CLSTN2: variants seen among roughly 807,000 people sequenced by gnomAD.
CLSTN2 encodes the protein calsyntenin-2.
In CLSTN2, 48 loss-of-function variants were observed where a neutral mutation model predicts 101.2. That is an observed-to-expected ratio of 0.47 (90% CI 0.38 to 0.60). The LOEUF (loss-of-function observed/expected upper bound fraction) is 0.60. Ranked by LOEUF, CLSTN2 falls within the 20% of genes least tolerant of loss-of-function variation. The pLI is 0.00. For synonymous variants in CLSTN2, 481 were observed against 463.6 expected (o/e 1.04, Z -0.48); for missense variants, 1,160 against 1,238.2 (o/e 0.94, Z 0.95).
intron 1 of CLSTN2, among the ~76,000 whole-genome samples, chr3:140,048,313 T>C (rs988782240): frequency 1.3e-5 from 2 of 152,240 alleles, no homozygotes; most frequent in Non-Finnish European, 2.9e-5. Context: ...GCCTAGGTCA[T>C]AGTTGAATGA....
chr3:140,494,546 C>T (rs1934422913), intron 8 of CLSTN2, among the ~76,000 whole-genome samples: 1 of 152,172 alleles, frequency 6.6e-6, no homozygotes, highest in South Asian at 2.1e-4. Context: ...CTTTGCTGCA[C>T]AGATCATCCC....
At chr3:140,414,745 A>G (rs2088408551) in intron 4 of CLSTN2, among the ~76,000 whole-genome samples, 1 of 152,214 alleles carries the variant, frequency 6.6e-6, no homozygotes, top group East Asian at 1.9e-4. Flanking sequence ...TAAAATGTCT[A>G]TACTACCCAA....
chr3:140,149,848 G>C (rs956344685), intron 1 of CLSTN2, among the ~76,000 whole-genome samples: 1 of 152,094 alleles, frequency 6.6e-6, no homozygotes, highest in Admixed American at 6.5e-5. Context: ...AAATTTAACC[G>C]GGTGTCCTGT....
At chr3:140,540,084 T>C (rs1426927792) in intron 9 of CLSTN2, among the ~76,000 whole-genome samples, 5 of 152,194 alleles carry the variant, frequency 3.3e-5, no homozygotes, top group South Asian at 2.1e-4. Context: ...TTGAAGTCAG[T>C]ATCTTCCTTT....
intron 2 of CLSTN2, among the ~76,000 whole-genome samples, chr3:140,319,898 G>T (rs1016416999): frequency 1.3e-5 from 2 of 152,242 alleles, no homozygotes; most frequent in Admixed American, 1.3e-4. Flanking sequence ...CAGAGAAAAG[G>T]CTGCTCTTGC....
At chr3:140,048,868 C>T (rs557187969) in intron 1 of CLSTN2, among the ~76,000 whole-genome samples, 18 of 152,320 alleles carry the variant, frequency 1.2e-4, no homozygotes, top group African/African-American at 4.3e-4. Flanking sequence ...CAAATCCTGC[C>T]CATGCCTCCA....
chr3:140,349,776 C>A (rs895432830), intron 2 of CLSTN2, among the ~76,000 whole-genome samples: 1 of 152,240 alleles, frequency 6.6e-6, no homozygotes, highest in Non-Finnish European at 1.5e-5. Flanking sequence ...ACCTTGGCTC[C>A]ACGACAGTTT....
intron 1 of CLSTN2, among the ~76,000 whole-genome samples, chr3:140,121,473 G>A (rs1053959866): frequency 1.3e-5 from 2 of 152,166 alleles, no homozygotes; most frequent in African/African-American, 2.4e-5. Context: ...CAAAGTGAAA[G>A]TTCCAACACA....
At chr3:140,562,439 C>A in intron 13 of CLSTN2, 131 bp downstream of exon 13, 1 of 909,306 alleles carries the variant, frequency 1.1e-6, no homozygotes, top group Non-Finnish European at 1.6e-6. Flanking sequence ...AGATCCTTGG[C>A]CTCAAGCATG....
At chr3:140,428,736 G>C (rs1358257190) in intron 5 of CLSTN2, among the ~76,000 whole-genome samples, 2 of 152,240 alleles carry the variant, frequency 1.3e-5, no homozygotes, top group Non-Finnish European at 1.5e-5. Context: ...GGAAAAGAAA[G>C]AGAGATGCAG....
chr3:140,146,722 T>A (rs1401648148), intron 1 of CLSTN2, among the ~76,000 whole-genome samples: 1 of 152,238 alleles, frequency 6.6e-6, no homozygotes, highest in Non-Finnish European at 1.5e-5. Flanking sequence ...GATGGCCAAG[T>A]GCAGGAGACA....
At chr3:140,422,960 A>T (rs1026560928) in intron 5 of CLSTN2, among the ~76,000 whole-genome samples, 92 of 152,222 alleles carry the variant, frequency 6.0e-4, no homozygotes, top group Non-Finnish European at 1.0e-4. Context: ...ACTCATGAAG[A>T]TTAGCTCCAA....
intron 1 of CLSTN2, among the ~76,000 whole-genome samples, chr3:140,081,202 CA>C (rs1358355722): frequency 6.6e-6 from 1 of 152,150 alleles, no homozygotes; most frequent in African/African-American, 2.4e-5. Flanking sequence ...TGGAATTTTT[CA>C]ATTTGGTTTT....
chr3:140,013,322 G>A (rs2007127566), intron 1 of CLSTN2, among the ~76,000 whole-genome samples: 2 of 152,370 alleles, frequency 1.3e-5, no homozygotes, highest in South Asian at 4.1e-4. Context: ...GGCTGGGGGT[G>A]AAGTCTGCAG....
intron 1 of CLSTN2, among the ~76,000 whole-genome samples, chr3:140,008,715 A>C (rs1320122728): frequency 6.6e-6 from 1 of 152,218 alleles, no homozygotes; most frequent in Non-Finnish European, 1.5e-5. Context: ...AGAGTATTAC[A>C]ATTTGACTCC....
intron 1 of CLSTN2, among the ~76,000 whole-genome samples, chr3:139,993,874 C>T (rs935157718): frequency 6.1e-5 from 7 of 115,350 alleles, no homozygotes; most frequent in Admixed American, 1.0e-4. Context: ...GAATCACAAA[C>T]GGCAGGAAAC....
chr3:140,276,829 C>T (rs2086798845), intron 2 of CLSTN2, among the ~76,000 whole-genome samples: 1 of 152,174 alleles, frequency 6.6e-6, no homozygotes, highest in African/African-American at 2.4e-5. Context: ...TTCTATTCCT[C>T]ATTAGTTGAG....
At chr3:140,176,963 G>T (rs574586009) in intron 2 of CLSTN2, among the ~76,000 whole-genome samples, 1 of 152,324 alleles carries the variant, frequency 6.6e-6, no homozygotes, top group South Asian at 2.1e-4. Flanking sequence ...ATTATGAGCT[G>T]CTTGGGCAGA....
intron 10 of CLSTN2, among the ~76,000 whole-genome samples, chr3:140,550,581 A>T (rs1935682850): frequency 6.6e-6 from 1 of 152,062 alleles, no homozygotes; most frequent in African/African-American, 2.4e-5. Flanking sequence ...ATCTGCGTAG[A>T]TCTTCTCTGC....
Sources: allele counts gnomAD v4.1 joint callset (sites outside exome capture counted in the v4.1 genomes callset), GRCh38; gene constraint gnomAD v4.1.1; transcripts MANE v1.5; gene names NCBI Gene and HGNC (gene_info 2026-07-23, HGNC 2026-07-21).